Variants in MAP2K4 observed in about 807,000 individuals in gnomAD.
MAP2K4 encodes the protein dual specificity mitogen-activated protein kinase kinase 4.
A neutral mutation model predicts 48.5 loss-of-function variants in MAP2K4; 4 were observed. The observed-to-expected ratio is 0.08, with a 90% confidence interval of 0.04 to 0.19. MAP2K4 has a LOEUF of 0.19. Among genes scored for constraint, MAP2K4 ranks in the 10% least tolerant of loss-of-function variants. MAP2K4 has a pLI of 1.00. For synonymous variants in MAP2K4, 166 were observed against 173.1 expected (o/e 0.96, Z 0.32); for missense variants, 258 against 493.3 (o/e 0.52, Z 4.52).
At chr17:12,057,031 G>T (rs1970301359) in intron 2 of MAP2K4, among the ~76,000 whole-genome samples, 1 of 152,040 alleles carries the variant, frequency 6.6e-6, no homozygotes, top group Admixed American at 6.6e-5. Flanking sequence ...TATGTCACAG[G>T]ATCTGGTTTC....
chr17:12,023,997 A>C (rs532611539), intron 1 of MAP2K4, among the ~76,000 whole-genome samples: 1 of 152,288 alleles, frequency 6.6e-6, no homozygotes, highest in African/African-American at 2.4e-5. Context: ...CTATTGGTAA[A>C]TGAGTCCCTA....
At position 12,109,350 on chromosome 17, in the gene MAP2K4, A is replaced by G. The variant is rs558008225; in HGVS notation, c.634-1025A>G. ...TCAAGACTTGGTGATCACTTTATAT[A>G]TATTAAGCACACATGTAAAATACTT... On this transcript the variant is annotated intron_variant, in intron 5 of 10. Transcript: ENST00000353533. Among the ~76,000 whole-genome samples, 5 of 152,310 alleles carry G rather than the reference A, an allele frequency of 3.3e-5. No individual in the cohort carries two copies. In the East Asian group the frequency reaches 7.7e-4, roughly 24 times the overall value.
At position 12,135,258 on chromosome 17, in the gene MAP2K4, T is replaced by C. The variant is rs147430794; in HGVS notation, c.1041-4581T>C. Among the ~76,000 whole-genome samples the C allele has an allele frequency of 6.1e-4, 93 of 152,106 alleles. 1 individual carries two copies. The East Asian group carries it at 0.017, about 28-fold the overall frequency. The stretch of plus-strand genomic sequence containing the variant: ...ATGCACCACCACACCTGGCTAATTT[T>C]GTATTTTTAGTAGAGTTGGGGTTTC... On this transcript the variant is annotated intron_variant, in intron 9 of 10. Transcript: ENST00000353533.
chr17:12,098,813 T>A (rs1309760781), intron 4 of MAP2K4, among the ~76,000 whole-genome samples: 1 of 152,144 alleles, frequency 6.6e-6, no homozygotes, highest in Non-Finnish European at 1.5e-5. Context: ...TAGACTCAGC[T>A]CTTGGTTTGG....
rs537549279 is a variant in MAP2K4, at chr17:12,024,388, A to C, written c.115+3387A>C. On this transcript the variant is annotated intron_variant, in intron 1 of 10. Coordinates refer to ENST00000353533, the MANE Select transcript of MAP2K4 (RefSeq NM_003010.4). ...CTGGCCATTTTTGCCACTGTCCCTCAGATAATAGGGAATAGCTGCTAATTT... is the reference window on the plus strand; with the variant it reads ...CTGGCCATTTTTGCCACTGTCCCTCCGATAATAGGGAATAGCTGCTAATTT... Among the ~76,000 whole-genome samples, 6 of 152,306 alleles carry C rather than the reference A, an allele frequency of 3.9e-5. No homozygotes were observed. In the South Asian group the frequency reaches 1.0e-3, roughly 26 times the overall value.
At chr17:12,105,759 T>C (rs1283354477) in intron 4 of MAP2K4, among the ~76,000 whole-genome samples, 2 of 152,124 alleles carry the variant, frequency 1.3e-5, no homozygotes, top group Non-Finnish European at 2.9e-5. Flanking sequence ...TTAGGTTATG[T>C]TCCTTAAAAA....
chr17:12,092,725 A>T (rs28923190), intron 3 of MAP2K4, among the ~76,000 whole-genome samples: 1 of 152,324 alleles, frequency 6.6e-6, no homozygotes, highest in African/African-American at 2.4e-5. Context: ...CTAAAACATT[A>T]GTATAATTAA....
rs539400123 is a variant in MAP2K4, at chr17:12,048,297, CTTG to C, written c.116-6584_116-6582del. Among the ~76,000 whole-genome samples the C allele has an allele frequency of 4.3e-4, 65 of 152,274 alleles. 1 individual carries two copies. The South Asian group carries it at 0.012, about 28-fold the overall frequency. ...TGTTTGTAATTGTGGTATTTCTGCA[CTTG>C]TTGTTGTGTAAATTATTATATTGGG... On this transcript the variant is annotated intron_variant, in intron 1 of 10. Transcript: ENST00000353533.
intron 4 of MAP2K4, among the ~76,000 whole-genome samples, chr17:12,099,713 G>A (rs1051669747): frequency 1.3e-5 from 2 of 152,140 alleles, no homozygotes; most frequent in East Asian, 3.8e-4. Flanking sequence ...GGAAAAAAGA[G>A]CTTGATAATA....
chr17:12,072,477 C>T (rs1227855249), intron 2 of MAP2K4, among the ~76,000 whole-genome samples: 1 of 152,144 alleles, frequency 6.6e-6, no homozygotes, highest in Non-Finnish European at 1.5e-5. Flanking sequence ...CTTCCTTTAA[C>T]AAAACATTTG....
chr17:12,043,804 G>A (rs892026069), intron 1 of MAP2K4, among the ~76,000 whole-genome samples: 3 of 152,020 alleles, frequency 2.0e-5, no homozygotes, highest in Non-Finnish European at 2.9e-5. Context: ...GAAGCTCCCC[G>A]AACCCTATTG....
At chr17:12,050,808 C>A (rs1202053512) in intron 1 of MAP2K4, among the ~76,000 whole-genome samples, 2 of 152,178 alleles carry the variant, frequency 1.3e-5, no homozygotes, top group Non-Finnish European at 2.9e-5. Context: ...TTCTGTGAGT[C>A]AGTGAGTTGC....
chr17:12,091,118 A>G (rs1971548164), intron 3 of MAP2K4, among the ~76,000 whole-genome samples: 1 of 152,324 alleles, frequency 6.6e-6, no homozygotes, highest in African/African-American at 2.4e-5. Flanking sequence ...CCACATTTAC[A>G]TTGTTCTTCA....
intron 1 of MAP2K4, among the ~76,000 whole-genome samples, chr17:12,049,252 G>A (rs921059507): frequency 1.3e-5 from 2 of 152,194 alleles, no homozygotes; most frequent in African/African-American, 2.4e-5. Flanking sequence ...TCTGCGATGT[G>A]ATGTTCTGAA....
At chr17:12,111,156 G>A (rs1972291858) in intron 6 of MAP2K4, among the ~76,000 whole-genome samples, 1 of 152,146 alleles carries the variant, frequency 6.6e-6, no homozygotes, top group African/African-American at 2.4e-5. Flanking sequence ...GTAAGTGGCA[G>A]TGTGTGATTT....
chr17:12,058,415 C>G (rs1170736847), intron 2 of MAP2K4, among the ~76,000 whole-genome samples: 1 of 152,020 alleles, frequency 6.6e-6, no homozygotes, highest in Non-Finnish European at 1.5e-5. Context: ...TCTAGGCCTT[C>G]ATTTCTTCTG....
chr17:12,079,325 ATAT>A (rs1215861929), intron 2 of MAP2K4, among the ~76,000 whole-genome samples: 1 of 152,210 alleles, frequency 6.6e-6, no homozygotes, highest in African/African-American at 2.4e-5. Flanking sequence ...ATAAGACATA[ATAT>A]TGTAACTGTT....
intron 7 of MAP2K4, among the ~76,000 whole-genome samples, chr17:12,124,001 A>G (rs1216823069): frequency 6.6e-6 from 1 of 152,182 alleles, no homozygotes; most frequent in Non-Finnish European, 1.5e-5. Flanking sequence ...ATGATGTTGG[A>G]TGGAGTATTT....
intron 3 of MAP2K4, among the ~76,000 whole-genome samples, chr17:12,086,896 G>C (rs569214850): frequency 6.6e-6 from 1 of 152,240 alleles, no homozygotes; most frequent in Non-Finnish European, 1.5e-5. Flanking sequence ...GCCCAGGCTG[G>C]AGTGCAGTGG....
Sources: gnomAD v4.1 joint callset for allele counts (sites outside exome capture counted in the v4.1 genomes callset) on GRCh38, gnomAD v4.1.1 for gene constraint, MANE v1.5 for transcripts, NCBI Gene and HGNC (gene_info 2026-07-23, HGNC 2026-07-21) for gene names.